HPSE2: variants seen among roughly 807,000 people sequenced by gnomAD.
HPSE2 encodes the protein inactive heparanase-2.
HPSE2 carries 38 observed loss-of-function variants against 60.5 expected under a neutral mutation model. The ratio of observed to expected loss-of-function variants is 0.63; its 90% CI spans 0.48 to 0.82. The LOEUF is 0.82. Ranked by LOEUF, HPSE2 falls within the 40% of genes least tolerant of loss-of-function variation. HPSE2 has a pLI of 0.00. For synonymous variants in HPSE2, 295 were observed against 293.2 expected, an observed-to-expected ratio of 1.01 and a Z score of -0.06; for missense variants, 713 against 740.4, an observed-to-expected ratio of 0.96 and a Z score of 0.43.
chr10:99,267,792 A>T, the HPSE2 span, among the ~76,000 whole-genome samples: 1 of 151,842 alleles, frequency 6.6e-6, no homozygotes, highest in Non-Finnish European at 1.5e-5. Flanking sequence ...AAAAAAAACA[A>T]AAAACAAACA....
intron 9 of HPSE2, among the ~76,000 whole-genome samples, chr10:98,543,945 C>T (rs1441123309): frequency 2.0e-5 from 3 of 150,012 alleles, no homozygotes; most frequent in African/African-American, 4.9e-5. Flanking sequence ...AACAAGGATA[C>T]CCAGGAATTG....
At chr10:99,142,321 G>A (rs1845892763) in intron 3 of HPSE2, among the ~76,000 whole-genome samples, 1 of 152,180 alleles carries the variant, frequency 6.6e-6, no homozygotes, top group Non-Finnish European at 1.5e-5. Flanking sequence ...AGAAATCAAG[G>A]ATTAAACTTC....
intron 4 of HPSE2, among the ~76,000 whole-genome samples, chr10:98,736,233 C>G (rs1269486509): frequency 6.8e-6 from 1 of 147,330 alleles, no homozygotes; most frequent in Admixed American, 6.8e-5. Context: ...TTATTCAGTT[C>G]TGGCTGCTGC....
At chr10:98,941,375 T>C (rs1285050850) in intron 3 of HPSE2, among the ~76,000 whole-genome samples, 4 of 126,922 alleles carry the variant, frequency 3.2e-5, no homozygotes, top group Non-Finnish European at 6.5e-5. Context: ...GATAAGCAAC[T>C]TCAGCAAAGT....
At chr10:98,563,895 C>T (rs1358754066) in intron 9 of HPSE2, among the ~76,000 whole-genome samples, 3 of 152,138 alleles carry the variant, frequency 2.0e-5, no homozygotes, top group Non-Finnish European at 4.4e-5. Flanking sequence ...GGGTAGGAAC[C>T]TTGCTTCTGC....
the HPSE2 span, among the ~76,000 whole-genome samples, chr10:99,281,661 T>C: frequency 1.2e-4 from 19 of 152,338 alleles, no homozygotes; most frequent in African/African-American, 4.6e-4. Context: ...CTTCCCTTTA[T>C]CATTAAAGGT....
chr10:98,909,437 T>G (rs543549040), intron 3 of HPSE2, among the ~76,000 whole-genome samples: 1 of 151,602 alleles, frequency 6.6e-6, no homozygotes, highest in African/African-American at 2.4e-5. Flanking sequence ...AAGACTAGTC[T>G]GGCCAACATG....
the HPSE2 span, among the ~76,000 whole-genome samples, chr10:99,252,914 T>C: frequency 6.7e-6 from 1 of 148,790 alleles, no homozygotes; most frequent in African/African-American, 2.5e-5. Flanking sequence ...CCTAGAAACA[T>C]ATCTGACCAA....
chr10:98,695,703 T>C (rs2134174924), intron 5 of HPSE2, among the ~76,000 whole-genome samples: 1 of 152,280 alleles, frequency 6.6e-6, no homozygotes. Flanking sequence ...AGATATCCTC[T>C]GCTTTTGAAG....
intron 3 of HPSE2, among the ~76,000 whole-genome samples, chr10:99,044,550 G>A (rs1285339198): frequency 6.6e-6 from 1 of 152,056 alleles, no homozygotes; most frequent in Non-Finnish European, 1.5e-5. Flanking sequence ...CACTTAAAAG[G>A]CATAAAGTGG....
At chr10:99,000,735 T>C (rs898522451) in intron 3 of HPSE2, among the ~76,000 whole-genome samples, 8 of 152,210 alleles carry the variant, frequency 5.3e-5, no homozygotes, top group Non-Finnish European at 8.8e-5. Context: ...TTTGAAAAGA[T>C]TGGCAGTAGA....
At chr10:98,556,504 T>C (rs1455700513) in intron 9 of HPSE2, among the ~76,000 whole-genome samples, 1 of 152,198 alleles carries the variant, frequency 6.6e-6, no homozygotes, top group Non-Finnish European at 1.5e-5. Flanking sequence ...AACATACAAA[T>C]GTAAATTTGA....
intron 9 of HPSE2, among the ~76,000 whole-genome samples, chr10:98,550,629 G>A (rs1418645046): frequency 2.0e-5 from 3 of 151,984 alleles, no homozygotes; most frequent in Non-Finnish European, 4.4e-5. Flanking sequence ...CACCACGCCT[G>A]GCTAATTTTT....
At chr10:99,122,511 T>A (rs1370456997) in intron 3 of HPSE2, among the ~76,000 whole-genome samples, 1 of 151,852 alleles carries the variant, frequency 6.6e-6, no homozygotes, top group Non-Finnish European at 1.5e-5. Context: ...TTAAAATAAT[T>A]AAAGTATGCA....
intron 1 of HPSE2, among the ~76,000 whole-genome samples, chr10:99,235,101 T>TACACAC (rs10630273): frequency 0.042 from 6,239 of 147,542 alleles, 169 homozygotes; most frequent in East Asian, 0.11. Context: ...CTGTCTCACA[T>TACACAC]ACACACACAC....
the HPSE2 span, among the ~76,000 whole-genome samples, chr10:99,308,590 G>T: frequency 2.6e-5 from 4 of 152,056 alleles, no homozygotes; most frequent in South Asian, 8.3e-4. Context: ...ACCTGTGGCT[G>T]CAAGGGTTAC....
At chr10:98,889,532 C>T (rs1294058753) in intron 3 of HPSE2, among the ~76,000 whole-genome samples, 1 of 152,030 alleles carries the variant, frequency 6.6e-6, no homozygotes, top group Non-Finnish European at 1.5e-5. Context: ...TATTCTTGGG[C>T]TAGCTCTGCA....
At chr10:98,703,161 T>A (rs1292816525) in intron 5 of HPSE2, among the ~76,000 whole-genome samples, 2 of 152,112 alleles carry the variant, frequency 1.3e-5, no homozygotes, top group Non-Finnish European at 2.9e-5. Context: ...TAAACACCTC[T>A]ACACAAACAA....
At chr10:99,194,379 A>C (rs2133867989) in intron 2 of HPSE2, among the ~76,000 whole-genome samples, 1 of 152,066 alleles carries the variant, frequency 6.6e-6, no homozygotes, top group Non-Finnish European at 1.5e-5. Context: ...TAAAAGCAAA[A>C]GCAAACCAAA....
Sources: allele counts gnomAD v4.1 joint callset (sites outside exome capture counted in the v4.1 genomes callset), GRCh38; gene constraint gnomAD v4.1.1; transcripts MANE v1.5; gene names NCBI Gene and HGNC (gene_info 2026-07-23, HGNC 2026-07-21).